Variants in ANAPC15 observed in about 807,000 individuals in gnomAD.
ANAPC15 encodes anaphase-promoting complex subunit 15.
ANAPC15 carries 13 observed loss-of-function variants against 19.8 expected under a neutral mutation model. That is an observed-to-expected ratio of 0.66 (90% CI 0.43 to 1.04). The LOEUF is 1.04. Ranked by LOEUF, ANAPC15 falls within the 50% of genes least tolerant of loss-of-function variation. The pLI is 0.00. For synonymous variants in ANAPC15, 45 were observed against 50.7 expected, an observed-to-expected ratio of 0.89 and a Z score of 0.47; for missense variants, 88 against 150.3, an observed-to-expected ratio of 0.59 and a Z score of 2.17.
At chr11:72,107,730 T>C (rs1402750100), downstream of ANAPC15, 1 of 631,100 alleles carries the variant, frequency 1.6e-6, no homozygotes, top group Non-Finnish European at 2.8e-6. Flanking sequence ...GTTGGAAAGA[T>C]TCCAGGGCTG....
chr11:72,109,172 G>C, downstream of ANAPC15: 2 of 534,292 alleles, frequency 3.7e-6, no homozygotes, highest in East Asian at 6.6e-5. Flanking sequence ...CAAGAAGCCT[G>C]AGCTCCCGAC....
downstream of ANAPC15, chr11:72,107,885 T>C (rs1461736444): frequency 1.9e-6 from 3 of 1,549,710 alleles, no homozygotes; most frequent in Admixed American, 3.9e-5. Flanking sequence ...CCTGCATCCA[T>C]CTCCCATGTC....
At chr11:72,110,048 GGTCCA>G (rs1335966811) in intron 5 of ANAPC15, 35 bp downstream of exon 5, 2 of 1,613,892 alleles carry the variant, frequency 1.2e-6, no homozygotes, top group African/African-American at 2.7e-5. Context: ...CAGGAGCAAG[GGTCCA>G]GGAACAGAGG....
At chr11:72,108,049 T>C (rs1945881387), downstream of ANAPC15, 6 of 1,551,158 alleles carry the variant, frequency 3.9e-6, no homozygotes, top group Non-Finnish European at 5.2e-6. Context: ...CTTCTTACTG[T>C]GGAGCGGGAC....
In ANAPC15 at chr11:72,109,884, G is replaced by C. The variant is rs554667086; in HGVS notation, c.363C>G (p.Ile121Met). Residue 121 changes from isoleucine to methionine, a missense_variant, in exon 6 of 6, where the codon ATC becomes ATG. Physicochemically the swap from Ile to Met is conservative, Grantham distance 10 (BLOSUM62 1). Coordinates refer to ENST00000227618, the MANE Select transcript of ANAPC15 (RefSeq NM_014042.3). ...GNEQDQDQWMI is the reference protein window; with the variant it reads ...GNEQDQDQWMM ...GAGGCCACCCTGCCTTGTCTACCTA[G>C]ATCATCCACTGGTCCTGATCCTGTT... is the stretch of plus-strand genomic sequence containing the variant. 3.7e-6 allele frequency: 6 copies of C among 1,613,776 alleles called. No individual in the cohort carries two copies. The African/African-American group carries it at 8.0e-5, about 22-fold the overall frequency.
downstream of ANAPC15, chr11:72,109,466 AACT>A (rs1946125972): frequency 2.5e-6 from 1 of 396,274 alleles, no homozygotes; most frequent in Admixed American, 3.2e-5. Flanking sequence ...GGCCTTCCCT[AACT>A]CTGGCCCACC....
At chr11:72,112,443 A>T in intron 1 of ANAPC15, 1 of 269,594 alleles carries the variant, frequency 3.7e-6, no homozygotes, top group Non-Finnish European at 7.7e-6. Flanking sequence ...ATGCTGGGTG[A>T]CAGGAAGTGA....
chr11:72,112,697 G>C (rs764696560), upstream of ANAPC15: 24 of 456,592 alleles, frequency 5.3e-5, no homozygotes, highest in Non-Finnish European at 9.7e-5. Flanking sequence ...GCTTCACCCA[G>C]CCTGAGCGGA....
At position 72,109,786 on chromosome 11, in the gene ANAPC15, C is replaced by G. The variant is rs969334895; in HGVS notation, c.*95G>C. 8.4e-5 allele frequency: 126 copies of G among 1,508,474 alleles called. No individual in the cohort carries two copies. The highest frequency in any genetic ancestry group is 2.3e-4 in the Middle Eastern group (1 of 4,260). The allele number at this position is 1,508,474 out of a possible 1,614,324, so 93.4% of individuals were successfully genotyped here. A position where few individuals can be genotyped will look rare whatever the true frequency, so the allele number is the denominator to read the frequency against. On this transcript the variant is annotated 3_prime_UTR_variant, in exon 6 of 6. Transcript: ENST00000227618. ...CCAAGGGCACTTTCAGGCACTGGGG[C>G]CATCAGCTGGTTCTGTGGGCAGGGG...
chr11:72,109,691 A>G lies in ANAPC15; in HGVS notation c.*190T>C, dbSNP rs761133046. On this transcript the variant is annotated 3_prime_UTR_variant, in exon 6 of 6. Transcript: ENST00000227618. ...GTGGAGTAGGTTTCAGGCCCTGGGG[A>G]TTTCAAGTGCAGACTGATGGCCTGG... 14 of 663,654 alleles carry G rather than the reference A, an allele frequency of 2.1e-5. No homozygotes were observed. Among genetic ancestry groups the G allele is most frequent in the Non-Finnish European group, 3.4e-5 (13 of 381,222 alleles). 41.1% of individuals were successfully genotyped at this position (663,654 alleles called of 1,614,324 possible).
At chr11:72,109,044 G>A (rs567452783), downstream of ANAPC15, 5 of 871,794 alleles carry the variant, frequency 5.7e-6, no homozygotes, top group Middle Eastern at 3.5e-4. Context: ...GGGCTAGGGA[G>A]TCTCTCTTCC....
downstream of ANAPC15, chr11:72,108,866 C>G (rs1230887072): frequency 6.4e-7 from 1 of 1,550,500 alleles, no homozygotes; most frequent in Admixed American, 2.0e-5. Flanking sequence ...CACTGGCCTT[C>G]CAGACTTCCC....
intron 3 of ANAPC15, 199 bp from the exon 4 acceptor site, chr11:72,110,802 C>A (rs1454815515): frequency 1.7e-6 from 1 of 600,154 alleles, no homozygotes; most frequent in Non-Finnish European, 2.9e-6. Flanking sequence ...TCTGAGCCTT[C>A]TTTTTTTTGT....
chr11:72,108,029 T>C, downstream of ANAPC15: 1 of 1,551,490 alleles, frequency 6.4e-7, no homozygotes, highest in African/African-American at 1.4e-5. Context: ...CCCTGCCCCC[T>C]GGGGGTCGCC....
intron 4 of ANAPC15, 129 bp downstream of exon 4, chr11:72,110,415 C>T (rs1946442651): frequency 2.0e-6 from 3 of 1,515,090 alleles, no homozygotes; most frequent in Non-Finnish European, 2.7e-6. Flanking sequence ...CTTCTATCTC[C>T]CCTTTTAGGC....
chr11:72,108,171 C>T (rs1945904960), downstream of ANAPC15: 4 of 1,425,050 alleles, frequency 2.8e-6, no homozygotes, highest in Non-Finnish European at 3.7e-6. Flanking sequence ...GGCCTTGCCC[C>T]CAGACATCCC....
chr11:72,107,564 G>C (rs984086361), downstream of ANAPC15: 1 of 702,172 alleles, frequency 1.4e-6, no homozygotes, highest in Non-Finnish European at 2.6e-6. Context: ...GTTTGGGATG[G>C]CTGTGATACA....
chr11:72,111,064 G>T, intron 3 of ANAPC15, 93 bp downstream of exon 3: 1 of 902,598 alleles, frequency 1.1e-6, no homozygotes, highest in Middle Eastern at 3.5e-4. Flanking sequence ...AGCTCTTCCT[G>T]GGTAGATTTC....
At chr11:72,109,398 T>G, downstream of ANAPC15, 1 of 459,052 alleles carries the variant, frequency 2.2e-6, no homozygotes, top group Non-Finnish European at 4.4e-6. Flanking sequence ...AATAGCTGGA[T>G]GCAAGCTGGG....
Sources: gnomAD v4.1 joint callset for allele counts on GRCh38, gnomAD v4.1.1 for gene constraint, MANE v1.5 for transcripts, NCBI Gene and HGNC (gene_info 2026-07-23, HGNC 2026-07-21) for gene names.